Variants in SEMA3A observed in about 807,000 individuals in gnomAD.
SEMA3A encodes semaphorin-3A.
SEMA3A carries 29 observed loss-of-function variants against 97.9 expected under a neutral mutation model. That is an observed-to-expected ratio of 0.30 (90% CI 0.22 to 0.40). The LOEUF is 0.40. Ranked by LOEUF, SEMA3A falls within the 10% of genes least tolerant of loss-of-function variation. The pLI is 1.00. For synonymous variants in SEMA3A, 321 were observed against 323.7 expected (o/e 0.99, Z 0.09); for missense variants, 763 against 951.3 (o/e 0.80, Z 2.60).
chr7:84,320,706 T>C (rs951103691), intron 2 of SEMA3A, among the ~76,000 whole-genome samples: 3 of 152,060 alleles, frequency 2.0e-5, no homozygotes, highest in Non-Finnish European at 4.4e-5. Context: ...ATATAAACTA[T>C]GTACAATTGT....
intron 2 of SEMA3A, among the ~76,000 whole-genome samples, chr7:84,130,679 G>T (rs1197991657): frequency 6.6e-6 from 1 of 151,998 alleles, no homozygotes. Flanking sequence ...CCCAGCAGTT[G>T]AGTCTTCACA....
intron 1 of SEMA3A, among the ~76,000 whole-genome samples, chr7:84,405,751 C>G (rs1002810053): frequency 2.0e-5 from 3 of 152,156 alleles, no homozygotes; most frequent in African/African-American, 7.2e-5. Context: ...TCACTCAAAA[C>G]CACTCAACTA....
intron 12 of SEMA3A, among the ~76,000 whole-genome samples, chr7:83,991,442 T>C (rs1033019824): frequency 1.3e-5 from 2 of 150,854 alleles, no homozygotes; most frequent in Admixed American, 6.6e-5. Flanking sequence ...TTCAGTATGA[T>C]ATTGGCTGTG....
intron 3 of SEMA3A, among the ~76,000 whole-genome samples, chr7:84,271,453 TA>T (rs748041837): frequency 1.3e-5 from 2 of 152,166 alleles, no homozygotes; most frequent in African/African-American, 2.4e-5. Flanking sequence ...AACTTCAGAA[TA>T]GCCTCCCTCA....
chr7:84,154,529 A>AGC (rs1796775444), intron 1 of SEMA3A, among the ~76,000 whole-genome samples: 1 of 151,920 alleles, frequency 6.6e-6, no homozygotes, highest in African/African-American at 2.4e-5. Flanking sequence ...TACAAAAATT[A>AGC]GCCGGGCATG....
chr7:84,159,722 A>G (rs572939658), intron 1 of SEMA3A, among the ~76,000 whole-genome samples: 1 of 152,196 alleles, frequency 6.6e-6, no homozygotes, highest in African/African-American at 2.4e-5. Context: ...CATAAAAAAA[A>G]ATAGTTAGAC....
chr7:84,168,741 A>T (rs1188892343), intron 1 of SEMA3A, among the ~76,000 whole-genome samples: 1 of 151,884 alleles, frequency 6.6e-6, no homozygotes, highest in Admixed American at 6.6e-5. Flanking sequence ...TTATTTCAGA[A>T]TCTGATGAGA....
intron 4 of SEMA3A, among the ~76,000 whole-genome samples, chr7:84,077,059 T>C (rs1793977789): frequency 6.6e-6 from 1 of 152,162 alleles, no homozygotes; most frequent in South Asian, 2.1e-4. Context: ...TGAATGCCTG[T>C]TAACTCCCAA....
chr7:84,211,153 C>G (rs550070813), intron 3 of SEMA3A, among the ~76,000 whole-genome samples: 18 of 152,188 alleles, frequency 1.2e-4, no homozygotes, highest in African/African-American at 3.9e-4. Context: ...ATTCTTCAGT[C>G]TATGTAGGTT....
chr7:84,062,364 A>G (rs1793256110), intron 4 of SEMA3A, among the ~76,000 whole-genome samples: 1 of 152,236 alleles, frequency 6.6e-6, no homozygotes, highest in East Asian at 1.9e-4. Context: ...GAATCATTAA[A>G]GAAATACCCA....
Position 84,355,331 on chromosome 7 carries a change from T to C in SEMA3A, c.-169+16493A>G, listed in dbSNP as rs543277029. On this transcript the variant is annotated intron_variant, in intron 2 of 3. Coordinates refer to the SEMA3A transcript ENST00000424555. ...AAAATACATGTTCCTCCTCTAAGCC[T>C]TGGACTATCACTGTGATTTTGTATT... Among the ~76,000 whole-genome samples the C allele has an allele frequency of 1.1e-3, 162 of 152,006 alleles. 1 individual carries two copies. The highest frequency in any genetic ancestry group is 2.0e-3 in the Non-Finnish European group (135 of 67,812).
chr7:83,966,489 G>A (rs1788697754), intron 15 of SEMA3A, among the ~76,000 whole-genome samples: 1 of 152,070 alleles, frequency 6.6e-6, no homozygotes, highest in African/African-American at 2.4e-5. Context: ...GTACCTCAAA[G>A]TCTCATTATT....
intron 1 of SEMA3A, among the ~76,000 whole-genome samples, chr7:84,450,185 C>A (rs981276219): frequency 2.6e-5 from 4 of 152,104 alleles, no homozygotes; most frequent in African/African-American, 9.7e-5. Context: ...CTTTCACATT[C>A]CCACTAACAG....
chr7:84,375,044 G>C (rs1461340129), intron 1 of SEMA3A, among the ~76,000 whole-genome samples: 1 of 151,976 alleles, frequency 6.6e-6, no homozygotes, highest in South Asian at 2.1e-4. Context: ...TTTTGAGACC[G>C]AGTCTCACTC....
chr7:84,436,086 C>G (rs914084976), intron 1 of SEMA3A, among the ~76,000 whole-genome samples: 1 of 152,128 alleles, frequency 6.6e-6, no homozygotes, highest in African/African-American at 2.4e-5. Context: ...GGGGAAAGAA[C>G]TTCCTATTCA....
At chr7:84,313,570 AT>A (rs1801419220) in intron 2 of SEMA3A, among the ~76,000 whole-genome samples, 7 of 150,958 alleles carry the variant, frequency 4.6e-5, no homozygotes, top group Admixed American at 4.0e-4. Flanking sequence ...TGTATGAAAT[AT>A]TTCTCTTTAA....
chr7:83,978,028 C>G (rs770561652), intron 14 of SEMA3A, among the ~76,000 whole-genome samples: 2 of 152,084 alleles, frequency 1.3e-5, no homozygotes, highest in Non-Finnish European at 2.9e-5. Context: ...TGGTCTCGAT[C>G]TCCTGACCTT....
intron 1 of SEMA3A, among the ~76,000 whole-genome samples, chr7:84,385,211 G>C (rs1015403661): frequency 1.3e-5 from 2 of 152,082 alleles, no homozygotes; most frequent in African/African-American, 4.8e-5. Context: ...TAGCAAGGAG[G>C]CATTGTGAGG....
At chr7:84,480,874 G>T (rs913587384) in intron 1 of SEMA3A, among the ~76,000 whole-genome samples, 1 of 152,116 alleles carries the variant, frequency 6.6e-6, no homozygotes, top group Non-Finnish European at 1.5e-5. Context: ...TAGTGGGAAA[G>T]AGGGTAGCAT....
Sources: allele counts gnomAD v4.1 joint callset (sites outside exome capture counted in the v4.1 genomes callset), GRCh38; gene constraint gnomAD v4.1.1; transcripts MANE v1.5; gene names NCBI Gene and HGNC (gene_info 2026-07-23, HGNC 2026-07-21).